The following VPS53 variants were observed in gnomAD, a reference collection of about 807,000 sequenced individuals.
VPS53 encodes the protein VPS53 subunit of GARP complex, also known as vacuolar protein sorting-associated protein 53 homolog.
Under a neutral mutation model 107.0 loss-of-function variants are expected in VPS53, and 70 were observed. The ratio of observed to expected loss-of-function variants is 0.65; its 90% CI spans 0.54 to 0.80. The LOEUF is 0.80. Among genes scored for constraint, VPS53 ranks in the 30% least tolerant of loss-of-function variants. VPS53 has a pLI of 0.00. For synonymous variants in VPS53, 409 were observed against 393.3 expected (o/e 1.04, Z -0.47); for missense variants, 917 against 1,049.4 (o/e 0.87, Z 1.74).
At chr17:608,862 C>T (rs1968709071) in intron 11 of VPS53, among the ~76,000 whole-genome samples, 1 of 151,998 alleles carries the variant, frequency 6.6e-6, no homozygotes, top group African/African-American at 2.4e-5. Flanking sequence ...ACCTGCCCAC[C>T]TCGGCCTCCC....
At chr17:668,437 C>T (rs1971791760) in intron 4 of VPS53, among the ~76,000 whole-genome samples, 2 of 152,178 alleles carry the variant, frequency 1.3e-5, no homozygotes, top group South Asian at 4.1e-4. Context: ...TCAGGCCCAA[C>T]CATGAGCAGT....
At chr17:626,075 G>A (rs1333006284) in intron 10 of VPS53, among the ~76,000 whole-genome samples, 1 of 152,114 alleles carries the variant, frequency 6.6e-6, no homozygotes, top group Non-Finnish European at 1.5e-5. Flanking sequence ...CCGGTGTGGT[G>A]GCACACACCT....
At chr17:629,744 C>T (rs919371004) in intron 8 of VPS53, among the ~76,000 whole-genome samples, 4 of 150,126 alleles carry the variant, frequency 2.7e-5, no homozygotes, top group Admixed American at 6.7e-5. Context: ...GCCTGGGCAA[C>T]GGAGCAAGAC....
intron 5 of VPS53, among the ~76,000 whole-genome samples, chr17:659,279 ATTTATTTATTTT>A (rs1482225810): frequency 1.3e-5 from 2 of 151,664 alleles, no homozygotes; most frequent in Admixed American, 1.3e-4. Context: ...GTCTTTATTT[ATTTATTTATTTT>A]TTTATTTTTT....
chr17:531,620 T>C (rs1346001120), intron 19 of VPS53, among the ~76,000 whole-genome samples: 1 of 151,962 alleles, frequency 6.6e-6, no homozygotes, highest in Non-Finnish European at 1.5e-5. Context: ...TTCAGCCTCC[T>C]CCTGAGCAGC....
chr17:656,868 G>A lies in VPS53; in HGVS notation c.373-915C>T, dbSNP rs12325758. The A allele has an allele frequency of 9.2e-3, 14,653 of 1,587,038 alleles. 1,047 individuals are homozygous for A. The African/African-American group carries it at 0.16, about 18-fold the overall frequency. On this transcript the variant is annotated intron_variant, in intron 5 of 21. Coordinates refer to ENST00000437048, the MANE Select transcript of VPS53 (RefSeq NM_001128159.3). ...ATGGTGAGGCGGATACCCTTTCCTC[G>A]GGGAAGAGAAATCCATCGTTTGTTG...
intron 13 of VPS53, among the ~76,000 whole-genome samples, chr17:579,436 G>A (rs1247020250): frequency 6.7e-6 from 1 of 150,282 alleles, no homozygotes; most frequent in Non-Finnish European, 1.5e-5. Context: ...TGTGGTCCCA[G>A]AGAACATCCC....
chr17:513,358 C>A lies in VPS53; in HGVS notation c.*5770G>T, dbSNP rs1212920410. ...TTATTTTAAGGAAATTTATATCTCCCAAAGGTGTAGAACTTCGAGGGTCCA... is the reference window on the plus strand; with the variant it reads ...TTATTTTAAGGAAATTTATATCTCCAAAAGGTGTAGAACTTCGAGGGTCCA... On this transcript the variant is annotated 3_prime_UTR_variant, in exon 22 of 22. Coordinates refer to ENST00000437048, the MANE Select transcript of VPS53 (RefSeq NM_001128159.3). 5 of 152,092 alleles carry A rather than the reference C, an allele frequency of 3.3e-5. No individual in the cohort carries two copies. The highest frequency in any genetic ancestry group is 7.4e-5 in the Non-Finnish European group (5 of 68,014). The allele number at this position is 152,092 out of a possible 1,614,324, so 9.4% of individuals were successfully genotyped here. A position where few individuals can be genotyped will look rare whatever the true frequency, so the allele number is the denominator to read the frequency against.
At chr17:646,908 C>A (rs1403058176) in intron 7 of VPS53, among the ~76,000 whole-genome samples, 1 of 152,206 alleles carries the variant, frequency 6.6e-6, no homozygotes, top group Non-Finnish European at 1.5e-5. Flanking sequence ...GTGGCCACTG[C>A]CTCCTAAGGG....
chr17:700,182 T>C (rs1415240743), intron 2 of VPS53, among the ~76,000 whole-genome samples: 2 of 152,214 alleles, frequency 1.3e-5, no homozygotes, highest in African/African-American at 4.8e-5. Context: ...AATGTATTAG[T>C]AGTTGCAGCA....
At chr17:694,959 C>A (rs1205369550) in intron 4 of VPS53, among the ~76,000 whole-genome samples, 2 of 152,302 alleles carry the variant, frequency 1.3e-5, no homozygotes, top group East Asian at 3.9e-4. Context: ...CCCACCTAGG[C>A]ATCCCAAAGT....
intron 13 of VPS53, among the ~76,000 whole-genome samples, chr17:575,004 G>A (rs749972412): frequency 2.6e-5 from 4 of 152,306 alleles, no homozygotes; most frequent in Middle Eastern, 3.4e-3. Context: ...AGGACAAAGA[G>A]GCAGAAGTCC....
intron 17 of VPS53, among the ~76,000 whole-genome samples, chr17:547,153 G>C (rs9915418): frequency 6.6e-6 from 1 of 151,942 alleles, no homozygotes; most frequent in Non-Finnish European, 1.5e-5. Flanking sequence ...CTGGGATTAC[G>C]GGCATGAGCC....
At chr17:711,466 G>T (rs933841483) in intron 1 of VPS53, among the ~76,000 whole-genome samples, 6 of 152,208 alleles carry the variant, frequency 3.9e-5, no homozygotes, top group Non-Finnish European at 7.3e-5. Flanking sequence ...AGGTGGATGA[G>T]AAGAAAGTGA....
At chr17:686,362 A>T (rs150880357) in intron 4 of VPS53, among the ~76,000 whole-genome samples, 34 of 152,364 alleles carry the variant, frequency 2.2e-4, no homozygotes, top group Non-Finnish European at 3.8e-4. Context: ...TAAAAACTAG[A>T]AATGAAAAAA....
intron 4 of VPS53, among the ~76,000 whole-genome samples, chr17:679,102 C>T (rs1972286386): frequency 6.6e-6 from 1 of 152,078 alleles, no homozygotes; most frequent in Admixed American, 6.6e-5. Flanking sequence ...TGAACTGAAA[C>T]AGGAAAAGAG....
chr17:704,282 T>A (rs377653072), intron 2 of VPS53, among the ~76,000 whole-genome samples: 66 of 152,166 alleles, frequency 4.3e-4, no homozygotes, highest in African/African-American at 1.5e-3. Context: ...CCTGGCTGGG[T>A]GAAATAGTAA....
rs554376237 is a variant in VPS53, at chr17:647,058, T to C, written c.608+6233A>G. ...ATTATTTAGCAAGGCATATAAAACC[T>C]GACCCGATCTACCTATGCAGCCCTG... On this transcript the variant is annotated intron_variant, in intron 7 of 21. Coordinates refer to ENST00000437048, the MANE Select transcript of VPS53 (RefSeq NM_001128159.3). Among the ~76,000 whole-genome samples, 33 of 152,374 alleles carry C rather than the reference T, an allele frequency of 2.2e-4. No homozygotes were observed. In the South Asian group the frequency reaches 6.4e-3, roughly 30 times the overall value.
chr17:704,470 T>C (rs1296373618), intron 2 of VPS53, among the ~76,000 whole-genome samples: 1 of 152,206 alleles, frequency 6.6e-6, no homozygotes, highest in Non-Finnish European at 1.5e-5. Context: ...TTACTGGAGG[T>C]CCATGAGGTA....
Sources: gnomAD v4.1 joint callset for allele counts (sites outside exome capture counted in the v4.1 genomes callset) on GRCh38, gnomAD v4.1.1 for gene constraint, MANE v1.5 for transcripts, NCBI Gene and HGNC (gene_info 2026-07-23, HGNC 2026-07-21) for gene names.